Variants in TRIM49C observed in about 807,000 individuals in gnomAD.
The protein encoded by TRIM49C is tripartite motif-containing protein 49C.
TRIM49C carries 6 observed loss-of-function variants against 21.4 expected under a neutral mutation model. The ratio of observed to expected loss-of-function variants is 0.28; its 90% confidence interval spans 0.15 to 0.55. TRIM49C has a LOEUF of 0.55. TRIM49C is among the 20% of genes least tolerant of loss of function. The pLI, the probability that TRIM49C is intolerant of heterozygous loss-of-function variation, is 0.94. For synonymous variants in TRIM49C, 57 were observed against 148.1 expected (o/e 0.38, Z 4.47); for missense variants, 161 against 442.4 (o/e 0.36, Z 5.71).
chr11:90,046,391 T>G (rs181176198), downstream of TRIM49C, among the ~76,000 whole-genome samples: 534 of 127,238 alleles, frequency 4.2e-3, 82 homozygotes, highest in African/African-American at 0.016. Flanking sequence ...AGAAGTCAGC[T>G]GTGAATCCAT....
downstream of TRIM49C, among the ~76,000 whole-genome samples, chr11:90,043,791 A>G (rs1306645429): frequency 3.4e-5 from 4 of 118,854 alleles, 2 homozygotes; most frequent in Non-Finnish European, 6.8e-5. Context: ...ATTTTTTTTT[A>G]TTATACTTTA....
At chr11:90,046,185 A>G (rs79923389), downstream of TRIM49C, among the ~76,000 whole-genome samples, 8,842 of 124,590 alleles carry the variant, frequency 0.071, 3,027 homozygotes, top group African/African-American at 0.27. Flanking sequence ...TGTTTGTCAT[A>G]TTTTATTGAG....
At chr11:90,038,471 C>A in intron 5 of TRIM49C, among the ~76,000 whole-genome samples, 1 of 129,822 alleles carries the variant, frequency 7.7e-6, no homozygotes, top group South Asian at 2.9e-4. Context: ...CCCTTCACTT[C>A]TTTAGAGAAT....
At chr11:90,069,382 TG>T in the TRIM49C span, among the ~76,000 whole-genome samples, 2 of 130,504 alleles carry the variant, frequency 1.5e-5, 1 homozygote, top group Non-Finnish European at 3.2e-5. Context: ...AAAAAAGTGC[TG>T]GGATTACAGG....
the TRIM49C span, among the ~76,000 whole-genome samples, chr11:90,047,839 A>T: frequency 1.8e-5 from 2 of 112,310 alleles, 1 homozygote; most frequent in African/African-American, 7.4e-5. Context: ...TTTGCTCATT[A>T]GTTGATGCAG....
At chr11:90,071,561 G>T in the TRIM49C span, 28 of 483,568 alleles carry the variant, frequency 5.8e-5, 3 homozygotes, top group East Asian at 1.2e-3. Flanking sequence ...ATTCCCTAAG[G>T]GCCACAAACC....
In TRIM49C at chr11:90,034,746, C is replaced by T. The variant is rs663390; in HGVS notation, c.-4-462C>T. On this transcript the variant is annotated intron_variant, in intron 2 of 7. Coordinates refer to ENST00000448984, the MANE Select transcript of TRIM49C (RefSeq NM_001195234.1). The stretch of plus-strand genomic sequence containing the variant: ...TGGTTTGCTGCCCGGCTTTTGTGAC[C>T]CTCTATAAAAATATGTCATAGAACC... Among the ~76,000 whole-genome samples the T allele has an allele frequency of 1.6e-4, 21 of 132,910 alleles. 1 individual carries two copies. The highest frequency in any genetic ancestry group is 4.1e-4 in the African/African-American group (15 of 36,292). The allele number at this position is 132,910 out of a possible 152,430, so 87.2% of individuals were successfully genotyped here.
At chr11:90,065,628 G>T in the TRIM49C span, among the ~76,000 whole-genome samples, 276 of 141,076 alleles carry the variant, frequency 2.0e-3, 49 homozygotes, top group Non-Finnish European at 2.0e-3. Context: ...GGAATGAGAC[G>T]CAAGAAAGTT....
At chr11:90,066,248 C>T in the TRIM49C span, among the ~76,000 whole-genome samples, 2 of 136,574 alleles carry the variant, frequency 1.5e-5, no homozygotes, top group East Asian at 2.3e-4. Context: ...TCGAACTCCT[C>T]ACTTCAGGTG....
the TRIM49C span, among the ~76,000 whole-genome samples, chr11:90,069,128 AG>A: frequency 7.3e-6 from 1 of 136,134 alleles, no homozygotes; most frequent in South Asian, 2.6e-4. Context: ...TTTTTGAGAC[AG>A]AGTCTCGCTC....
the TRIM49C span, chr11:90,057,533 C>T: frequency 2.4e-6 from 2 of 825,276 alleles, no homozygotes; most frequent in Non-Finnish European, 3.3e-6. Flanking sequence ...GGCTCTCACA[C>T]ATAGTGTCTT....
At chr11:90,073,160 A>G in the TRIM49C span, 1 of 1,046,314 alleles carries the variant, frequency 9.6e-7, no homozygotes. Flanking sequence ...CTCTAAGGAC[A>G]TATTTCTTCT....
the TRIM49C span, chr11:90,071,590 G>T: frequency 1.8e-6 from 1 of 551,744 alleles, no homozygotes; most frequent in African/African-American, 1.9e-5. Flanking sequence ...GATTGTGGAG[G>T]TACATTACAA....
chr11:90,056,006 C>G, the TRIM49C span, among the ~76,000 whole-genome samples: 5 of 128,224 alleles, frequency 3.9e-5, 1 homozygote, highest in African/African-American at 1.4e-4. Context: ...TAGCCCAGGC[C>G]GGATTGCAGT....
chr11:90,052,125 G>A, the TRIM49C span: 1 of 483,922 alleles, frequency 2.1e-6, no homozygotes, highest in Non-Finnish European at 3.4e-6. Context: ...GCAGGGAGGG[G>A]TCGGCAGAGC....
At chr11:90,066,765 A>T in the TRIM49C span, among the ~76,000 whole-genome samples, 2 of 132,488 alleles carry the variant, frequency 1.5e-5, no homozygotes, top group African/African-American at 2.7e-5. Flanking sequence ...CAATAATAAT[A>T]ATTATTATTA....
At chr11:90,063,081 G>A in the TRIM49C span, 121 of 1,275,410 alleles carry the variant, frequency 9.5e-5, 6 homozygotes, top group Non-Finnish European at 1.2e-4. Context: ...AAAGGCCGGT[G>A]GACAATTTTC....
At chr11:90,056,848 T>C in the TRIM49C span, among the ~76,000 whole-genome samples, 1 of 144,382 alleles carries the variant, frequency 6.9e-6, no homozygotes, top group Non-Finnish European at 1.5e-5. Context: ...TGAGAAGATG[T>C]AATAGCAGAG....
At chr11:90,054,078 C>T in the TRIM49C span, among the ~76,000 whole-genome samples, 1 of 136,966 alleles carries the variant, frequency 7.3e-6, no homozygotes, top group African/African-American at 2.6e-5. Context: ...AAAGTCTTTT[C>T]ACATAATAAA....
Sources: allele counts gnomAD v4.1 joint callset (sites outside exome capture counted in the v4.1 genomes callset), GRCh38; gene constraint gnomAD v4.1.1; transcripts MANE v1.5; gene names NCBI Gene and HGNC (gene_info 2026-07-23, HGNC 2026-07-21).